Variants in SLC44A1 observed in about 807,000 individuals in gnomAD.
SLC44A1 encodes solute carrier family 44 member 1.
SLC44A1 carries 26 observed loss-of-function variants against 79.3 expected under a neutral mutation model. The ratio of observed to expected loss-of-function variants is 0.33; its 90% CI spans 0.24 to 0.46. SLC44A1 has a LOEUF of 0.46. Among genes scored for constraint, SLC44A1 ranks in the 20% least tolerant of loss-of-function variants. The pLI, the probability that SLC44A1 is intolerant of heterozygous loss-of-function variation, is 1.00. For missense variants in SLC44A1, 688 were observed against 798.1 expected (o/e 0.86, Z 1.66); for synonymous variants, 263 against 286.2 (o/e 0.92, Z 0.82).
rs191941651 is a variant in SLC44A1 at position 105,437,998 on chromosome 9, C to T, written c.1951-283C>T. Among the ~76,000 whole-genome samples the T allele has an allele frequency of 3.3e-5, 5 of 152,310 alleles. No homozygotes were observed. In the East Asian group the frequency reaches 9.6e-4, roughly 29 times the overall value. ...TATTTACCAATGCATTTAATCCTTA[C>T]AACAACCTTAAGGAAACCATAATTA... On this transcript the variant is annotated intron_variant, in intron 15 of 15. Transcript: ENST00000374724.
At position 105,393,870 on chromosome 9, in the gene SLC44A1, A is replaced by G; in HGVS notation, c.*4814A>G. The G allele has an allele frequency of 1.0e-6, 1 of 985,070 alleles. No individual in the cohort carries two copies. The highest frequency in any genetic ancestry group is 1.2e-6 in the Non-Finnish European group (1 of 829,568). 61.0% of individuals were successfully genotyped at this position (985,070 alleles called of 1,614,324 possible). A position where few individuals can be genotyped will look rare whatever the true frequency, so the allele number is the denominator to read the frequency against. On this transcript the variant is annotated 3_prime_UTR_variant, in exon 16 of 16. Coordinates refer to ENST00000374720, the MANE Select transcript of SLC44A1 (RefSeq NM_080546.5). The stretch of plus-strand genomic sequence containing the variant: ...CCAGGACACGGAGCTCAGAATAATA[A>G]AGCTTTTATTAATGGTCTAGTGAAG...
Position 105,364,561 on chromosome 9 carries a change from C to T in SLC44A1, c.1094C>T (p.Pro365Leu), listed in dbSNP as rs1212633871. The T allele has an allele frequency of 6.2e-7, 1 of 1,611,564 alleles. No individual in the cohort carries two copies. Among genetic ancestry groups the T allele is most frequent in the East Asian group, 2.2e-5 (1 of 44,866 alleles). ...TTCCTTGATATTTTCCTAGGCAGTC[C>T]TGTTCAGAATGAGCAAGGCTTTGTG... ...TLLFLGTTGS[P>L]VQNEQGFVEF... Residue 365 changes from proline to leucine, a missense_variant, in exon 10 of 16, where the codon CCT becomes CTT. By Grantham distance (98) the Pro-to-Leu change is moderately conservative. Coordinates refer to ENST00000374720, the MANE Select transcript of SLC44A1 (RefSeq NM_080546.5).
At position 105,244,858 on chromosome 9, in the gene SLC44A1, T is replaced by A. The variant is rs1373521496; in HGVS notation, c.-11T>A. ...CGCCCGGCGCCGCCTCCGGGCTCCT[T>A]CGGCCCCGCCATGGGCTGCTGCAGC... On this transcript the variant is annotated 5_prime_UTR_variant, in exon 1 of 16. Transcript: ENST00000374720. The A allele has an allele frequency of 1.8e-6, 2 of 1,138,900 alleles. No individual in the cohort carries two copies. Among genetic ancestry groups the A allele is most frequent in the Non-Finnish European group, 2.1e-6 (2 of 930,408 alleles). 70.5% of individuals were successfully genotyped at this position (1,138,900 alleles called of 1,614,324 possible). A position where few individuals can be genotyped will look rare whatever the true frequency, so the allele number is the denominator to read the frequency against.
intron 15 of SLC44A1, among the ~76,000 whole-genome samples, chr9:105,421,605 G>A (rs1428934875): frequency 2.3e-5 from 3 of 130,940 alleles, no homozygotes; most frequent in Non-Finnish European, 3.2e-5. Flanking sequence ...TTTTTTTTGA[G>A]ACAGAGTTTC....
chr9:105,435,886 A>G (rs149313077), intron 15 of SLC44A1, among the ~76,000 whole-genome samples: 10 of 152,362 alleles, frequency 6.6e-5, no homozygotes, highest in African/African-American at 2.4e-4. Context: ...CTGTAAACCT[A>G]AAACTATTCT....
Position 105,299,220 on chromosome 9 carries a change from A to C in SLC44A1, c.37A>C (p.Ser13Arg). 6.3e-7 allele frequency: 1 copy of C among 1,585,896 alleles called. No individual in the cohort carries two copies. Among genetic ancestry groups the C allele is most frequent in the Admixed American group, 1.9e-5 (1 of 53,368 alleles). The stretch of plus-strand genomic sequence containing the variant: ...TCTCTTATTTTGTATTTCCAATTAG[A>C]GCTCCAAACGAGAATGGAAGCCGCT... The part of the protein sequence containing the change: ...CCSSASSAAQ[S>R]SKREWKPLED... Residue 13 changes from serine to arginine, a missense_variant and splice_region_variant, in exon 2 of 16, where the codon AGC becomes CGC. Physicochemically the swap from Ser to Arg is moderately radical, Grantham distance 110. Coordinates refer to ENST00000374720, the MANE Select transcript of SLC44A1 (RefSeq NM_080546.5).
intron 1 of SLC44A1, among the ~76,000 whole-genome samples, chr9:105,253,748 A>G (rs1829640598): frequency 6.6e-6 from 1 of 152,000 alleles, no homozygotes; most frequent in African/African-American, 2.4e-5. Flanking sequence ...TTTTTGAGAC[A>G]GAGTCTCGCT....
At chr9:105,302,059 CTT>C (rs1285188370) in intron 2 of SLC44A1, among the ~76,000 whole-genome samples, 2 of 152,092 alleles carry the variant, frequency 1.3e-5, no homozygotes, top group African/African-American at 4.8e-5. Context: ...TTGTACTTCT[CTT>C]TTATTTCTTC....
chr9:105,266,147 A>T (rs751996222), intron 1 of SLC44A1, among the ~76,000 whole-genome samples: 2 of 151,938 alleles, frequency 1.3e-5, no homozygotes, highest in Non-Finnish European at 2.9e-5. Context: ...TTTTATTTTT[A>T]TGTAGAGACG....
chr9:105,283,599 A>G (rs935615609), intron 1 of SLC44A1, among the ~76,000 whole-genome samples: 4 of 152,242 alleles, frequency 2.6e-5, no homozygotes, highest in Non-Finnish European at 5.9e-5. Context: ...TGACAGGCAG[A>G]CCAGAAATTT....
At chr9:105,414,610 A>G (rs1829143269) in intron 15 of SLC44A1, among the ~76,000 whole-genome samples, 1 of 152,184 alleles carries the variant, frequency 6.6e-6, no homozygotes, top group South Asian at 2.1e-4. Flanking sequence ...TTTAGATAGT[A>G]ATAGATTTAT....
chr9:105,258,914 AGGCT>A (rs1331643640), intron 1 of SLC44A1, among the ~76,000 whole-genome samples: 1 of 151,342 alleles, frequency 6.6e-6, no homozygotes, highest in East Asian at 1.9e-4. Context: ...CATGTTGGCC[AGGCT>A]GGTCTCAAAT....
At chr9:105,247,473 T>G (rs554266961) in intron 1 of SLC44A1, among the ~76,000 whole-genome samples, 1 of 152,230 alleles carries the variant, frequency 6.6e-6, no homozygotes, top group Non-Finnish European at 1.5e-5. Context: ...AATTTTGTAT[T>G]TTTGGTAGAG....
chr9:105,311,830 C>A, intron 3 of SLC44A1, among the ~76,000 whole-genome samples: 1 of 151,668 alleles, frequency 6.6e-6, no homozygotes, highest in East Asian at 1.9e-4. Context: ...TTTTTTTTAC[C>A]CTTCTCAGAT....
At chr9:105,403,163 C>G (rs564588707) in intron 15 of SLC44A1, among the ~76,000 whole-genome samples, 54 of 152,048 alleles carry the variant, frequency 3.6e-4, no homozygotes, top group African/African-American at 1.3e-3. Context: ...AAGACATAAA[C>G]AGGAAGAAAC....
At chr9:105,408,842 G>A (rs1055841912) in intron 15 of SLC44A1, among the ~76,000 whole-genome samples, 6 of 152,192 alleles carry the variant, frequency 3.9e-5, no homozygotes, top group Non-Finnish European at 7.3e-5. Flanking sequence ...AGAAGGTGGA[G>A]CTACATAGGA....
rs1828802014 is a variant in SLC44A1, at chr9:105,393,079, T to C, written c.*4023T>C. ...TCTGACACATACGAGTGCACTATAA[T>C]GGCTTGCCTAGAACTGGTAAGAAGT... On this transcript the variant is annotated 3_prime_UTR_variant, in exon 16 of 16. Coordinates refer to ENST00000374720, the MANE Select transcript of SLC44A1 (RefSeq NM_080546.5). The C allele has an allele frequency of 1.0e-6, 1 of 985,310 alleles. No homozygotes were observed. The highest frequency in any genetic ancestry group is 1.7e-5 in the African/African-American group (1 of 57,258). The allele number at this position is 985,310 out of a possible 1,614,324, so 61.0% of individuals were successfully genotyped here.
At chr9:105,430,490 G>A (rs930797394) in intron 15 of SLC44A1, among the ~76,000 whole-genome samples, 5 of 152,088 alleles carry the variant, frequency 3.3e-5, no homozygotes, top group Non-Finnish European at 5.9e-5. Flanking sequence ...CTGTGGATTT[G>A]CCTATTTTGG....
At position 105,394,134 on chromosome 9, in the gene SLC44A1, CT is replaced by C. The variant is rs1828824305; in HGVS notation, c.*5079del. 1.1e-5 allele frequency: 11 copies of C among 985,296 alleles called. No homozygotes were observed. Among genetic ancestry groups the C allele is most frequent in the Non-Finnish European group, 1.3e-5 (11 of 829,944 alleles). The allele number at this position is 985,296 out of a possible 1,614,324, so 61.0% of individuals were successfully genotyped here. A position where few individuals can be genotyped will look rare whatever the true frequency, so the allele number is the denominator to read the frequency against. ...GCCCTCAGACGGCCAGCTTCCACCC[CT>C]GTACCCCCTCAGGGGCTAATGAACC... On this transcript the variant is annotated 3_prime_UTR_variant, in exon 16 of 16. Coordinates refer to ENST00000374720, the MANE Select transcript of SLC44A1 (RefSeq NM_080546.5).
Sources: gnomAD v4.1 joint callset for allele counts (sites outside exome capture counted in the v4.1 genomes callset) on GRCh38, gnomAD v4.1.1 for gene constraint, MANE v1.5 for transcripts, NCBI Gene and HGNC (gene_info 2026-07-23, HGNC 2026-07-21) for gene names.